CAVIN2: variants seen among roughly 807,000 people sequenced by gnomAD.
The protein encoded by CAVIN2 is caveolae-associated protein 2.
In CAVIN2, 13 loss-of-function variants were observed where a neutral mutation model predicts 11.7. The observed-to-expected ratio is 1.11, with a 90% CI of 0.72 to 1.77. The LOEUF (loss-of-function observed/expected upper bound fraction) is 1.77, where lower values mean the gene tolerates loss of function less well. Ranked by LOEUF, CAVIN2 falls within the 40% of genes most tolerant of loss-of-function variation. The pLI is 0.00. For missense variants in CAVIN2, 549 were observed against 542.9 expected, an observed-to-expected ratio of 1.01 and a Z score of -0.11; for synonymous variants, 237 against 223.2, an observed-to-expected ratio of 1.06 and a Z score of -0.55.
rs1486113439 is a variant in CAVIN2 at position 191,846,417 on chromosome 2, T to G, written c.483+26A>C. On this transcript the variant is annotated intron_variant, in intron 1 of 1. Transcript: ENST00000304141. ...GAATGATAAGGAGTTCCAGCCCGCC[T>G]GTAAGGAGGCATAGGGGGAACTGAC... is the stretch of plus-strand genomic sequence containing the variant. The G allele has an allele frequency of 3.1e-6, 5 of 1,587,806 alleles. No homozygotes were observed. The African/African-American group carries it at 6.7e-5, about 21-fold the overall frequency.
At position 191,836,841 on chromosome 2, in the gene CAVIN2, TGAGTTTTCTA is replaced by T. The variant is rs1365501257; in HGVS notation, c.484-134_484-125del. 3 of 954,920 alleles carry T rather than the reference TGAGTTTTCTA, an allele frequency of 3.1e-6. No individual in the cohort carries two copies. The African/African-American group carries it at 5.0e-5, about 16-fold the overall frequency. 59.2% of individuals were successfully genotyped at this position (954,920 alleles called of 1,614,324 possible). On this transcript the variant is annotated intron_variant, in intron 1 of 1. Coordinates refer to ENST00000304141, the MANE Select transcript of CAVIN2 (RefSeq NM_004657.6). ...GGTAAAAAAACAAATGTTTGTGGCT[TGAGTTTTCTA>T]GAATAGGAAGAGTTAATTCTAAACT...
chr2:191,842,825 C>T (rs1690112107), intron 1 of CAVIN2, among the ~76,000 whole-genome samples: 1 of 152,166 alleles, frequency 6.6e-6, no homozygotes, highest in African/African-American at 2.4e-5. Context: ...ACACTCAGTA[C>T]AGACTTAAAG....
Position 191,846,566 on chromosome 2 carries a change from C to T in CAVIN2, c.360G>A (p.Lys120=). 1.2e-6 allele frequency: 2 copies of T among 1,614,274 alleles called. No homozygotes were observed. Among genetic ancestry groups the T allele is most frequent in the Non-Finnish European group, 1.7e-6 (2 of 1,180,052 alleles). ...TVSKLLEKSR[K]VSAHTRAVKE... ...TGACCGCGCGCGTGTGGGCGCTGAC[C>T]TTGCGGGACTTCTCCAGCAGCTTGC... Residue 120 remains lysine (K), a synonymous_variant, in exon 1 of 2, where the codon AAG becomes AAA. Coordinates refer to ENST00000304141, the MANE Select transcript of CAVIN2 (RefSeq NM_004657.6).
At position 191,846,736 on chromosome 2, in the gene CAVIN2, T is replaced by C. The variant is rs1690174263; in HGVS notation, c.190A>G (p.Lys64Glu). 6.2e-7 allele frequency: 1 copy of C among 1,614,214 alleles called. No homozygotes were observed. The highest frequency in any genetic ancestry group is 8.5e-7 in the Non-Finnish European group (1 of 1,180,040). Residue 64 changes from lysine to glutamate, a missense_variant, in exon 1 of 2, where the codon AAG (lysine) becomes GAG (glutamate). Physicochemically the swap from Lys to Glu is moderately conservative, Grantham distance 56 (BLOSUM62 1). Coordinates refer to ENST00000304141, the MANE Select transcript of CAVIN2 (RefSeq NM_004657.6). ...ACAGCGTCTAGCATGTTCACCAGCTTGTCCAGGAGCGTGAGCACCGTGACT... is the reference window on the plus strand; with the variant it reads ...ACAGCGTCTAGCATGTTCACCAGCTCGTCCAGGAGCGTGAGCACCGTGACT... ...NAVTVLTLLD[K>E]LVNMLDAVQE...
intron 1 of CAVIN2, among the ~76,000 whole-genome samples, chr2:191,840,735 C>G (rs905669106): frequency 3.9e-5 from 6 of 152,080 alleles, no homozygotes; most frequent in African/African-American, 1.4e-4. Context: ...ATATGCACAC[C>G]TTAACAGAAA....
rs375019443 is a variant in CAVIN2 at position 191,836,309 on chromosome 2, C to T, written c.892G>A (p.Gly298Arg). The change falls in exon 2 of 2, where the codon GGG becomes AGG. Residue 298 changes from glycine (G) to arginine (R), a missense_variant. Coordinates refer to ENST00000304141, the MANE Select transcript of CAVIN2 (RefSeq NM_004657.6). ...TCTCCCTCTCGGACTTTCTTCCGCC[C>T]GAAAGTGAGGGGAGAAACCTTGAAG... ...SPFKVSPLTFGRKKVREGESH... is the reference protein window; with the variant it reads ...SPFKVSPLTFRRKKVREGESH... 2.5e-5 allele frequency: 41 copies of T among 1,613,942 alleles called. No individual in the cohort carries two copies. In the South Asian group the frequency reaches 3.4e-4, roughly 13 times the overall value.
Position 191,836,305 on chromosome 2 carries a change from C to A in CAVIN2, c.896G>T (p.Arg299Leu), listed in dbSNP as rs760185073. Residue 299 changes from arginine (R) to leucine (L), a missense_variant, in exon 2 of 2, where the codon CGG becomes CTG. By Grantham distance (102) the Arg-to-Leu change is moderately radical. Coordinates refer to ENST00000304141, the MANE Select transcript of CAVIN2 (RefSeq NM_004657.6). ...GCTTTCTCCCTCTCGGACTTTCTTCCGCCCGAAAGTGAGGGGAGAAACCTT... is the reference window on the plus strand; with the variant it reads ...GCTTTCTCCCTCTCGGACTTTCTTCAGCCCGAAAGTGAGGGGAGAAACCTT... Reference protein sequence around the residue: ...PFKVSPLTFGRKKVREGESHA... With the variant: ...PFKVSPLTFGLKKVREGESHA... 1 of 1,614,144 alleles carries A rather than the reference C, an allele frequency of 6.2e-7. No individual in the cohort carries two copies. Among genetic ancestry groups the A allele is most frequent in the South Asian group, 1.1e-5 (1 of 91,074 alleles).
chr2:191,844,023 G>C lies in CAVIN2; in HGVS notation c.483+2420C>G, dbSNP rs1012807984. On this transcript the variant is annotated intron_variant, in intron 1 of 1. Transcript: ENST00000304141. ...TCTCAACATCCTCATCTGTAGATTC[G>C]GGATAAATGAGATAAGATGCTTACC... 2.0e-5 allele frequency among the ~76,000 whole-genome samples: 3 copies of C among 152,198 alleles called. No homozygotes were observed. In the East Asian group the frequency reaches 5.8e-4, roughly 29 times the overall value.
chr2:191,841,943 A>G lies in CAVIN2; in HGVS notation c.483+4500T>C, dbSNP rs557722591. Among the ~76,000 whole-genome samples the G allele has an allele frequency of 2.6e-5, 4 of 152,368 alleles. No homozygotes were observed. In the East Asian group the frequency reaches 7.7e-4, roughly 29 times the overall value. The stretch of plus-strand genomic sequence containing the variant: ...TAAAGTAAAAGGGCACTGGATAAGT[A>G]ACACATCAAAACTAATATCCCATAT... On this transcript the variant is annotated intron_variant, in intron 1 of 1. Transcript: ENST00000304141.
In CAVIN2 at chr2:191,846,517, C is replaced by T; in HGVS notation, c.409G>A (p.Ala137Thr). 2 of 1,614,264 alleles carry T rather than the reference C, an allele frequency of 1.2e-6. No homozygotes were observed. Among genetic ancestry groups the T allele is most frequent in the Non-Finnish European group, 1.7e-6 (2 of 1,180,040 alleles). ...TTGTTCTCCAGCCGCTTCACCTGTGCGCACTGCCTATCCATGCGCTCTTTG... is the reference window on the plus strand; with the variant it reads ...TTGTTCTCCAGCCGCTTCACCTGTGTGCACTGCCTATCCATGCGCTCTTTG... ...AVKERMDRQC[A>T]QVKRLENNHA... The change falls in exon 1 of 2, where the codon GCA (alanine) becomes ACA (threonine). Residue 137 changes from alanine (A) to threonine (T), a missense_variant. By Grantham distance (58) the Ala-to-Thr change is moderately conservative (BLOSUM62 0). Transcript: ENST00000304141.
Position 191,846,376 on chromosome 2 carries a change from G to A in CAVIN2, c.483+67C>T, listed in dbSNP as rs1436349537. The A allele has an allele frequency of 2.0e-6, 3 of 1,500,600 alleles. No homozygotes were observed. The African/African-American group carries it at 4.1e-5, about 21-fold the overall frequency. 93.0% of individuals were successfully genotyped at this position (1,500,600 alleles called of 1,614,324 possible). On this transcript the variant is annotated intron_variant, in intron 1 of 1. Coordinates refer to ENST00000304141, the MANE Select transcript of CAVIN2 (RefSeq NM_004657.6). ...AATGTAAAAATGGCTGTGAGAGCCA[G>A]GATGAGCGAGATCAAGAATGATAAG...
At chr2:191,839,666 T>C (rs1419547039) in intron 1 of CAVIN2, among the ~76,000 whole-genome samples, 1 of 152,098 alleles carries the variant, frequency 6.6e-6, no homozygotes, top group Non-Finnish European at 1.5e-5. Context: ...CCAGAATGAG[T>C]TGGATGTGTC....
chr2:191,840,372 C>G (rs1690076435), intron 1 of CAVIN2, among the ~76,000 whole-genome samples: 1 of 152,134 alleles, frequency 6.6e-6, no homozygotes. Context: ...AGTAGAGGCC[C>G]CAAGAGAGCT....
At chr2:191,840,695 A>G (rs1690080514) in intron 1 of CAVIN2, among the ~76,000 whole-genome samples, 1 of 152,236 alleles carries the variant, frequency 6.6e-6, no homozygotes, top group Admixed American at 6.5e-5. Flanking sequence ...CATGGAAGCA[A>G]ATCTTCTGTG....
chr2:191,837,170 C>A (rs1422827607), intron 1 of CAVIN2, among the ~76,000 whole-genome samples: 1 of 152,178 alleles, frequency 6.6e-6, no homozygotes. Flanking sequence ...AGGGTGAGAA[C>A]TGAGAAGTCT....
At chr2:191,841,018 TTA>T (rs1690084979) in intron 1 of CAVIN2, among the ~76,000 whole-genome samples, 1 of 152,166 alleles carries the variant, frequency 6.6e-6, no homozygotes, top group East Asian at 1.9e-4. Context: ...ACATTCTGAT[TTA>T]TAGGTCTCTT....
In CAVIN2 at chr2:191,836,395, T is replaced by C; in HGVS notation, c.806A>G (p.Glu269Gly). The C allele has an allele frequency of 6.2e-7, 1 of 1,614,250 alleles. No individual in the cohort carries two copies. The highest frequency in any genetic ancestry group is 8.5e-7 in the Non-Finnish European group (1 of 1,180,048). Residue 269 changes from glutamate to glycine, a missense_variant, in exon 2 of 2, where the codon GAG (glutamate) becomes GGG (glycine). Transcript: ENST00000304141. The stretch of plus-strand genomic sequence containing the variant: ...TGACGTGAGAGATTTCTTAATCTTC[T>C]CTCTCCTCTCTACAGATACGATCTT... ...GTKIVSVERR[E>G]KIKKSLTSNH...
rs766666987 is a variant in CAVIN2 at position 191,846,549 on chromosome 2, C to G, written c.377G>C (p.Arg126Pro). 2.5e-6 allele frequency: 4 copies of G among 1,614,128 alleles called. No individual in the cohort carries two copies. Among genetic ancestry groups the G allele is most frequent in the Non-Finnish European group, 3.4e-6 (4 of 1,180,062 alleles). ...CCTATCCATGCGCTCTTTGACCGCGCGCGTGTGGGCGCTGACCTTGCGGGA... is the reference window on the plus strand; with the variant it reads ...CCTATCCATGCGCTCTTTGACCGCGGGCGTGTGGGCGCTGACCTTGCGGGA... ...EKSRKVSAHT[R>P]AVKERMDRQC... is the part of the protein sequence containing the mutation. The change falls in exon 1 of 2, where the codon CGC becomes CCC. Residue 126 changes from arginine to proline, a missense_variant. Physicochemically the swap from Arg to Pro is moderately radical, Grantham distance 103. Coordinates refer to ENST00000304141, the MANE Select transcript of CAVIN2 (RefSeq NM_004657.6).
chr2:191,836,085 G>A lies in CAVIN2; in HGVS notation c.1116C>T (p.Ile372=), dbSNP rs756887356. The A allele has an allele frequency of 2.0e-5, 32 of 1,614,090 alleles. No individual in the cohort carries two copies. In the Admixed American group the frequency reaches 3.3e-4, roughly 17 times the overall value. Residue 372 remains isoleucine (I), a synonymous_variant, in exon 2 of 2, where the codon ATC becomes ATT. Transcript: ENST00000304141. ...CTTCATCTTCCACAATAGTCAAGTC[G>A]ATGTTGCTGTCCATCCCCGAGTTAC... ...RGSNSGMDSN[I]DLTIVEDEEE... is the part of the protein sequence containing the mutation.
Sources: allele counts gnomAD v4.1 joint callset (sites outside exome capture counted in the v4.1 genomes callset), GRCh38; gene constraint gnomAD v4.1.1; transcripts MANE v1.5; gene names NCBI Gene and HGNC (gene_info 2026-07-23, HGNC 2026-07-21).